Variants in FAT3 observed in about 807,000 individuals in gnomAD.
FAT3 encodes protocadherin Fat 3.
FAT3 carries 95 observed loss-of-function variants against 310.2 expected under a neutral mutation model. That is an observed-to-expected ratio of 0.31 (90% confidence interval 0.26 to 0.36). The LOEUF (loss-of-function observed/expected upper bound fraction) is 0.36, where lower values mean the gene tolerates loss of function less well. FAT3 is among the 10% of genes least tolerant of loss of function. The pLI is 1.00. For synonymous variants in FAT3, 2,314 were observed against 2,192.9 expected, an observed-to-expected ratio of 1.06 and a Z score of -1.54; for missense variants, 5,408 against 5,715.6, an observed-to-expected ratio of 0.95 and a Z score of 1.74.
intron 3 of FAT3, among the ~76,000 whole-genome samples, chr11:92,671,233 C>T (rs1018176680): frequency 4.0e-5 from 6 of 151,832 alleles, no homozygotes; most frequent in African/African-American, 1.2e-4. Context: ...TTAGTAGGAA[C>T]GGGGTTTCGT....
In FAT3 at chr11:92,844,262, A is replaced by G; in HGVS notation, c.10895A>G (p.Asp3632Gly). Reference protein sequence around the residue: ...VSDGRFQVPIDVVVHVEQLVH... With the variant: ...VSDGRFQVPIGVVVHVEQLVH... ...GATGGTCGCTTCCAGGTACCCATTG[A>G]TGTGGTCGTGCATGTGGAGCAGTTG... Residue 3632 changes from aspartate to glycine, a missense_variant, in exon 19 of 28, where the codon GAT becomes GGT. Transcript: ENST00000525166. The G allele has an allele frequency of 2.5e-6, 4 of 1,613,910 alleles. No homozygotes were observed. Among genetic ancestry groups the G allele is most frequent in the Non-Finnish European group, 3.4e-6 (4 of 1,179,896 alleles).
intron 19 of FAT3, among the ~76,000 whole-genome samples, chr11:92,849,806 T>C (rs2136304307): frequency 6.6e-6 from 1 of 152,280 alleles, no homozygotes; most frequent in East Asian, 1.9e-4. Context: ...CACCAGGCCC[T>C]GGGTGGGGTG....
intron 2 of FAT3, among the ~76,000 whole-genome samples, chr11:92,478,962 CTTTTCT>C (rs1555058244): frequency 1.6e-5 from 1 of 63,308 alleles, no homozygotes; most frequent in Non-Finnish European, 3.3e-5. Context: ...CTTTTCTTTT[CTTTTCT>C]TTTCTTTTCT....
At chr11:92,776,752 A>G (rs1201696219) in intron 7 of FAT3, among the ~76,000 whole-genome samples, 1 of 152,190 alleles carries the variant, frequency 6.6e-6, no homozygotes, top group Non-Finnish European at 1.5e-5. Context: ...TTTCTTGTCT[A>G]AAGTATTCAA....
intron 4 of FAT3, among the ~76,000 whole-genome samples, chr11:92,739,388 T>C (rs184981535): frequency 5.3e-4 from 81 of 152,346 alleles, no homozygotes; most frequent in African/African-American, 1.8e-3. Context: ...CAGATAACTC[T>C]TTATGATCAA....
intron 4 of FAT3, among the ~76,000 whole-genome samples, chr11:92,738,953 T>C (rs1267723987): frequency 6.6e-6 from 1 of 152,178 alleles, no homozygotes; most frequent in African/African-American, 2.4e-5. Context: ...CTCAATATTA[T>C]TGTTGCTACT....
At chr11:92,649,598 C>T (rs1008541964) in intron 3 of FAT3, among the ~76,000 whole-genome samples, 9 of 152,068 alleles carry the variant, frequency 5.9e-5, no homozygotes, top group Admixed American at 5.9e-4. Flanking sequence ...AGTTGCATAG[C>T]AGGAGTTTTG....
intron 7 of FAT3, among the ~76,000 whole-genome samples, chr11:92,788,813 G>A (rs746063189): frequency 3.9e-5 from 6 of 152,142 alleles, no homozygotes; most frequent in Non-Finnish European, 7.4e-5. Context: ...TCAGACTGTG[G>A]AAACTAAACA....
intron 3 of FAT3, among the ~76,000 whole-genome samples, chr11:92,615,199 GTGAATTTTA>G (rs1940743035): frequency 6.6e-6 from 1 of 152,062 alleles, no homozygotes; most frequent in Non-Finnish European, 1.5e-5. Flanking sequence ...GCATTTTCAT[GTGAATTTTA>G]GAATCAACTT....
At chr11:92,864,228 G>C (rs7940601) in intron 21 of FAT3, among the ~76,000 whole-genome samples, 111,443 of 151,912 alleles carry the variant, frequency 0.73, 41,808 homozygotes, top group South Asian at 0.89. Context: ...AATGAACCAA[G>C]TAATATGTTA....
intron 4 of FAT3, among the ~76,000 whole-genome samples, chr11:92,705,120 T>C (rs962040088): frequency 1.3e-5 from 2 of 152,200 alleles, no homozygotes; most frequent in African/African-American, 2.4e-5. Flanking sequence ...CCAGCGTACC[T>C]TTCTCAGAAA....
rs548473874 is a variant in FAT3 at position 92,362,549 on chromosome 11, G to C, written c.3292+7145G>C. Among the ~76,000 whole-genome samples the C allele has an allele frequency of 3.9e-5, 6 of 152,300 alleles. No homozygotes were observed. In the South Asian group the frequency reaches 1.2e-3, roughly 32 times the overall value. ...TTTGACTCTTTCTACACTGGTTACT[G>C]TGGGCTGGATGCATCCCTCCACAGA... On this transcript the variant is annotated intron_variant, in intron 2 of 27. Transcript: ENST00000525166.
chr11:92,729,661 G>A (rs1317970892), intron 4 of FAT3, among the ~76,000 whole-genome samples: 8 of 151,846 alleles, frequency 5.3e-5, no homozygotes, highest in East Asian at 1.9e-4. Flanking sequence ...TCCTGACCTC[G>A]TGATCCACCC....
intron 1 of FAT3, among the ~76,000 whole-genome samples, chr11:92,244,884 C>G (rs536896470): frequency 2.3e-4 from 35 of 152,244 alleles, no homozygotes; most frequent in Non-Finnish European, 4.7e-4. Flanking sequence ...CGCTTTTACA[C>G]TCTTGGTAGG....
intron 3 of FAT3, among the ~76,000 whole-genome samples, chr11:92,695,554 C>T (rs1943913074): frequency 6.6e-6 from 1 of 152,110 alleles, no homozygotes; most frequent in Non-Finnish European, 1.5e-5. Flanking sequence ...CCTCCACACA[C>T]AAAACAATAC....
intron 13 of FAT3, among the ~76,000 whole-genome samples, chr11:92,814,529 G>C (rs766396078): frequency 1.3e-5 from 2 of 152,222 alleles, no homozygotes; most frequent in Middle Eastern, 6.8e-3. Context: ...TAGTTTTCCT[G>C]TCAATTGGAA....
chr11:92,896,430 A>T lies in FAT3; in HGVS notation c.*5317A>T, dbSNP rs1380487974. The T allele has an allele frequency of 2.0e-5, 3 of 152,098 alleles. No individual in the cohort carries two copies. Among genetic ancestry groups the T allele is most frequent in the African/African-American group, 7.2e-5 (3 of 41,444 alleles). 9.4% of individuals were successfully genotyped at this position (152,098 alleles called of 1,614,324 possible). On this transcript the variant is annotated 3_prime_UTR_variant, in exon 28 of 28. Transcript: ENST00000525166. Reference sequence around the variant, plus strand: ...ACAGGTTTGTAACTGCCAAAATTTGATGGTTAAAACAAGTTTTCAAGTAAA... The same window carrying T: ...ACAGGTTTGTAACTGCCAAAATTTGTTGGTTAAAACAAGTTTTCAAGTAAA...
intron 22 of FAT3, among the ~76,000 whole-genome samples, chr11:92,872,030 G>C (rs183476344): frequency 4.5e-4 from 68 of 152,250 alleles, no homozygotes; most frequent in Admixed American, 4.4e-3. Context: ...GTAACTCTGA[G>C]CTCCCCTTCA....
rs552719705 is a variant in FAT3 at position 92,601,638 on chromosome 11, A to C, written c.3607+76690A>C. 6.6e-5 allele frequency among the ~76,000 whole-genome samples: 10 copies of C among 152,170 alleles called. No individual in the cohort carries two copies. In the South Asian group the frequency reaches 2.1e-3, roughly 32 times the overall value. On this transcript the variant is annotated intron_variant, in intron 3 of 27. Transcript: ENST00000525166. ...ACTACAAGGCATGCGTGTGGTAGGG[A>C]GGTAGTCTGACTAGGAGGAGGGGAT...
Sources: gnomAD v4.1 joint callset for allele counts (sites outside exome capture counted in the v4.1 genomes callset) on GRCh38, gnomAD v4.1.1 for gene constraint, MANE v1.5 for transcripts, NCBI Gene and HGNC (gene_info 2026-07-23, HGNC 2026-07-21) for gene names.